ADRA1A: variants seen among roughly 807,000 people sequenced by gnomAD.
The protein encoded by ADRA1A is adrenoceptor alpha 1A.
A neutral mutation model predicts 29.6 loss-of-function variants in ADRA1A; 31 were observed. The observed-to-expected ratio is 1.05, with a 90% confidence interval of 0.79 to 1.41. The LOEUF (loss-of-function observed/expected upper bound fraction) is 1.41, where lower values mean the gene tolerates loss of function less well. Among genes scored for constraint, ADRA1A ranks in the 40% most tolerant of loss-of-function variants. The pLI, the probability that ADRA1A is intolerant of heterozygous loss-of-function variation, is 0.00. For synonymous variants in ADRA1A, 311 were observed against 254.3 expected, an observed-to-expected ratio of 1.22 and a Z score of -2.12; for missense variants, 619 against 601.1, an observed-to-expected ratio of 1.03 and a Z score of -0.31.
At chr8:26,843,522 A>G (rs1811980748) in intron 2 of ADRA1A, among the ~76,000 whole-genome samples, 1 of 152,226 alleles carries the variant, frequency 6.6e-6, no homozygotes, top group African/African-American at 2.4e-5. Flanking sequence ...ACTGATGGCC[A>G]TGGTGAACAC....
intron 2 of ADRA1A, among the ~76,000 whole-genome samples, chr8:26,857,575 G>A (rs1467675415): frequency 2.6e-5 from 4 of 152,148 alleles, no homozygotes; most frequent in Non-Finnish European, 4.4e-5. Flanking sequence ...GAAGGCTGAG[G>A]TGGGAGAATC....
chr8:26,768,668 A>C (rs544125104), downstream of ADRA1A: 1 of 155,406 alleles, frequency 6.4e-6, no homozygotes, highest in South Asian at 2.0e-4. Context: ...TATATGAAAC[A>C]TAAATGAATT....
At chr8:26,799,110 T>C (rs1036483864) in intron 2 of ADRA1A, among the ~76,000 whole-genome samples, 9 of 152,148 alleles carry the variant, frequency 5.9e-5, no homozygotes, top group African/African-American at 2.2e-4. Flanking sequence ...TGTTCAAAAG[T>C]TCATTAATGG....
At chr8:26,813,484 G>C (rs943330414) in intron 2 of ADRA1A, among the ~76,000 whole-genome samples, 3 of 149,178 alleles carry the variant, frequency 2.0e-5, no homozygotes, top group African/African-American at 7.5e-5. Flanking sequence ...AATTCCTCTT[G>C]CATCTATCCA....
chr8:26,787,512 T>C lies in ADRA1A; in HGVS notation c.884-16846A>G, dbSNP rs1261312289. 6.6e-6 allele frequency among the ~76,000 whole-genome samples: 1 copy of C among 152,118 alleles called. No individual in the cohort carries two copies. Among genetic ancestry groups the C allele is most frequent in the African/African-American group, 2.4e-5 (1 of 41,410 alleles). The stretch of plus-strand genomic sequence containing the variant: ...TGGTCAGAAAGTATGATCTGTTATG[T>C]ATGACAAAATCTGGGTGAAAGTGTA... On this transcript the variant is annotated intron_variant, in intron 2 of 2. Transcript: ENST00000380573. The surrounding 1 kb of genome is among the most constrained non-coding windows in gnomAD (Gnocchi z 4.2).
chr8:26,802,137 G>C (rs1477143798), intron 2 of ADRA1A, among the ~76,000 whole-genome samples: 1 of 152,022 alleles, frequency 6.6e-6, no homozygotes, highest in Non-Finnish European at 1.5e-5. Context: ...CAAAACATCA[G>C]AGAAACTCTC....
chr8:26,859,176 A>G (rs1421644241), intron 2 of ADRA1A: 1 of 1,289,762 alleles, frequency 7.8e-7, no homozygotes, highest in Admixed American at 2.3e-5. Context: ...TTTCTCCAAA[A>G]CAGCACGTCA....
Position 26,796,718 on chromosome 8 carries a change from A to T in ADRA1A, c.884-26052T>A, listed in dbSNP as rs113426706. The stretch of plus-strand genomic sequence containing the variant: ...CAGTGTAAAAGTGGATAGAGAGATG[A>T]TTAATTTCGAAAGGGGGGTACAAGA... On this transcript the variant is annotated intron_variant, in intron 2 of 2. Transcript: ENST00000380573. The surrounding 1 kb of genome is among the most constrained non-coding windows in gnomAD (Gnocchi z 5.0). Among the ~76,000 whole-genome samples, 4,960 of 152,204 alleles carry T rather than the reference A, an allele frequency of 0.033. 113 individuals are homozygous for T. The highest frequency in any genetic ancestry group is 0.049 in the Non-Finnish European group (3,347 of 67,982).
At chr8:26,784,428 C>A (rs1807225375) in intron 2 of ADRA1A, among the ~76,000 whole-genome samples, 1 of 152,186 alleles carries the variant, frequency 6.6e-6, no homozygotes, top group Admixed American at 6.5e-5. Flanking sequence ...TGTTAGAGAA[C>A]AATAGTGTTG....
chr8:26,772,471 T>A (rs1806242065), intron 2 of ADRA1A, among the ~76,000 whole-genome samples: 1 of 152,356 alleles, frequency 6.6e-6, no homozygotes, highest in South Asian at 2.1e-4. Context: ...CAGCTTCGTG[T>A]ACAGTTGGTA....
At chr8:26,768,720 T>C (rs1191601914), downstream of ADRA1A, 2 of 194,650 alleles carry the variant, frequency 1.0e-5, no homozygotes, top group Non-Finnish European at 1.9e-5. Flanking sequence ...TATTTGATTA[T>C]GTATATGCAA....
At chr8:26,836,720 G>A (rs754873046) in intron 2 of ADRA1A, among the ~76,000 whole-genome samples, 15 of 152,184 alleles carry the variant, frequency 9.9e-5, no homozygotes, top group Admixed American at 2.0e-4. Flanking sequence ...AATAAGTAGC[G>A]TCTTATAGGC....
chr8:26,799,732 G>T (rs756683275), intron 2 of ADRA1A, among the ~76,000 whole-genome samples: 17 of 152,118 alleles, frequency 1.1e-4, no homozygotes, highest in Non-Finnish European at 1.8e-4. Flanking sequence ...TGTTGAGTTT[G>T]CAGCTCTCTG....
downstream of ADRA1A, among the ~76,000 whole-genome samples, chr8:26,767,865 A>G (rs1249610538): frequency 2.6e-5 from 4 of 152,186 alleles, no homozygotes; most frequent in African/African-American, 4.8e-5. Flanking sequence ...AATGAAACTG[A>G]TCTTTCCTAT....
At chr8:26,820,197 A>T (rs894433692) in intron 2 of ADRA1A, among the ~76,000 whole-genome samples, 1 of 152,222 alleles carries the variant, frequency 6.6e-6, no homozygotes, top group East Asian at 1.9e-4. Flanking sequence ...ATACAGATGA[A>T]AAATCAATAA....
At chr8:26,804,324 G>C (rs953102062) in intron 2 of ADRA1A, among the ~76,000 whole-genome samples, 1 of 152,044 alleles carries the variant, frequency 6.6e-6, no homozygotes, top group Non-Finnish European at 1.5e-5. Context: ...AGTGTTCAAA[G>C]AGGCTTTATT....
intron 2 of ADRA1A, chr8:26,779,344 C>A: frequency 1.4e-6 from 1 of 702,912 alleles, no homozygotes; most frequent in Non-Finnish European, 2.6e-6. Flanking sequence ...TTCTCCATCA[C>A]CTCCAACCCC....
In ADRA1A at chr8:26,825,203, T is replaced by C. The variant is rs1307873175; in HGVS notation, c.883+38884A>G. ...CAGGGCCTCGGTCCCCACATCTGTG[T>C]TGGGAGAGAGGAGACAGTTCCTTCT... On this transcript the variant is annotated intron_variant, in intron 2 of 2. Transcript: ENST00000380573. This position sits in a 1 kb window ranked among gnomAD's most constrained non-coding sequence, Gnocchi z 5.7. Among the ~76,000 whole-genome samples the C allele has an allele frequency of 6.6e-6, 1 of 152,096 alleles. No homozygotes were observed. Among genetic ancestry groups the C allele is most frequent in the Admixed American group, 6.5e-5 (1 of 15,274 alleles).
intron 2 of ADRA1A, among the ~76,000 whole-genome samples, chr8:26,801,148 A>G (rs1248666578): frequency 6.6e-6 from 1 of 152,202 alleles, no homozygotes. Context: ...AAAGCCATAT[A>G]TGACAGACCC....
Sources: gnomAD v4.1 joint callset for allele counts (sites outside exome capture counted in the v4.1 genomes callset) on GRCh38, gnomAD v4.1.1 for gene constraint, Gnocchi (gnomAD v3.1) non-coding constraint, MANE v1.5 for transcripts, NCBI Gene and HGNC (gene_info 2026-07-23, HGNC 2026-07-21) for gene names.